The following GSG1L variants were observed in gnomAD, a reference collection of about 807,000 sequenced individuals.
The protein encoded by GSG1L is germ cell-specific gene 1-like protein.
In GSG1L, 24 loss-of-function variants were observed where a neutral mutation model predicts 42.1. The ratio of observed to expected loss-of-function variants is 0.57; its 90% CI spans 0.41 to 0.80. The LOEUF is 0.80. Ranked by LOEUF, GSG1L falls within the 30% of genes least tolerant of loss-of-function variation. GSG1L has a pLI of 0.00. For missense variants in GSG1L, 445 were observed against 472.2 expected (o/e 0.94, Z 0.53); for synonymous variants, 215 against 203.5 (o/e 1.06, Z -0.48).
intron 2 of GSG1L, among the ~76,000 whole-genome samples, chr16:27,953,305 G>A (rs1567533147): frequency 6.6e-6 from 1 of 152,116 alleles, no homozygotes; most frequent in Non-Finnish European, 1.5e-5. Context: ...GCCCAGCCTG[G>A]TCTCAAATTT....
intron 6 of GSG1L, among the ~76,000 whole-genome samples, chr16:27,802,855 A>G (rs2082899351): frequency 6.6e-6 from 1 of 151,798 alleles, no homozygotes; most frequent in African/African-American, 2.4e-5. Flanking sequence ...GGGTCTTGCT[A>G]TGTTGCCCAG....
At chr16:27,873,047 A>G (rs1596574220) in intron 3 of GSG1L, among the ~76,000 whole-genome samples, 2 of 152,290 alleles carry the variant, frequency 1.3e-5, no homozygotes, top group South Asian at 2.1e-4. Context: ...TCTTTCTTGC[A>G]TGAGATCCAA....
chr16:27,834,750 A>G (rs1300679386), intron 4 of GSG1L, among the ~76,000 whole-genome samples: 1 of 152,110 alleles, frequency 6.6e-6, no homozygotes, highest in African/African-American at 2.4e-5. Context: ...TGATGTCCTC[A>G]AAGTCTGCAG....
intron 5 of GSG1L, among the ~76,000 whole-genome samples, chr16:27,820,244 A>G (rs1016555139): frequency 2.0e-5 from 3 of 152,166 alleles, no homozygotes. Context: ...TTCTTCTAAT[A>G]TGGGGGCCCT....
At chr16:28,006,423 C>T (rs2085639974) in intron 1 of GSG1L, among the ~76,000 whole-genome samples, 1 of 151,940 alleles carries the variant, frequency 6.6e-6, no homozygotes, top group Admixed American at 6.6e-5. Context: ...ATTCTTGTGC[C>T]TCAGCCTCCC....
intron 4 of GSG1L, among the ~76,000 whole-genome samples, chr16:27,843,241 C>A (rs910151918): frequency 2.0e-5 from 3 of 152,164 alleles, no homozygotes; most frequent in African/African-American, 7.2e-5. Context: ...CCTGAAGAGA[C>A]TTCCCCTACT....
intron 2 of GSG1L, among the ~76,000 whole-genome samples, chr16:27,910,712 A>C (rs988372610): frequency 6.6e-6 from 1 of 152,164 alleles, no homozygotes; most frequent in African/African-American, 2.4e-5. Context: ...GCCTCAGTCT[A>C]CCCAAGAACT....
In GSG1L at chr16:27,979,901, AAG is replaced by A. The variant is rs576316254; in HGVS notation, c.350-16700_350-16699del. Among the ~76,000 whole-genome samples, 174 of 152,116 alleles carry A rather than the reference AAG, an allele frequency of 1.1e-3. 2 individuals are homozygous for A. The South Asian group carries it at 0.035, about 31-fold the overall frequency. ...AGAAAGAAACGAAGGAAGGAAGGAAAAGAGAGAGAGAATTGAAATGGGAGAAA... is the reference window on the plus strand; with the variant it reads ...AGAAAGAAACGAAGGAAGGAAGGAAAAGAGAGAGAATTGAAATGGGAGAAA... On this transcript the variant is annotated intron_variant, in intron 1 of 6. Coordinates refer to ENST00000447459, the MANE Select transcript of GSG1L (RefSeq NM_001109763.2).
At chr16:28,052,497 A>G (rs2086231476) in intron 1 of GSG1L, among the ~76,000 whole-genome samples, 1 of 152,074 alleles carries the variant, frequency 6.6e-6, no homozygotes. Context: ...AGACATGGCC[A>G]TGTGATTTGC....
intron 1 of GSG1L, among the ~76,000 whole-genome samples, chr16:27,985,225 T>A (rs1285969169): frequency 6.6e-6 from 1 of 152,166 alleles, no homozygotes; most frequent in Non-Finnish European, 1.5e-5. Flanking sequence ...TGTTGAAATG[T>A]GACCTCCACT....
Position 28,040,097 on chromosome 16 carries a change from C to T in GSG1L, c.349+22979G>A, listed in dbSNP as rs1464519819. Among the ~76,000 whole-genome samples the T allele has an allele frequency of 6.6e-6, 1 of 152,112 alleles. No individual in the cohort carries two copies. Among genetic ancestry groups the T allele is most frequent in the African/African-American group, 2.4e-5 (1 of 41,428 alleles). On this transcript the variant is annotated intron_variant, in intron 1 of 6. Transcript: ENST00000447459. This position sits in a 1 kb window ranked among gnomAD's most constrained non-coding sequence, Gnocchi z 4.1. Reference sequence around the variant, plus strand: ...GTCCTTTCTTCCTGCAAAACAATGGCTGAGCCCGTCACCCTTCTCCACACC... The same window carrying T: ...GTCCTTTCTTCCTGCAAAACAATGGTTGAGCCCGTCACCCTTCTCCACACC...
rs1315167600 is a variant in GSG1L at position 27,884,828 on chromosome 16, A to G, written c.398-190T>C. ...TCTGCAGGGGCCGGCTCAGGGACCG[A>G]AGCTTAAGTCAGCATTCTCTGGATC... On this transcript the variant is annotated intron_variant, in intron 2 of 6. Coordinates refer to ENST00000447459, the MANE Select transcript of GSG1L (RefSeq NM_001109763.2). This position sits in a 1 kb window ranked among gnomAD's most constrained non-coding sequence, Gnocchi z 4.4. Among the ~76,000 whole-genome samples, 6 of 152,184 alleles carry G rather than the reference A, an allele frequency of 3.9e-5. No homozygotes were observed. In the East Asian group the frequency reaches 1.2e-3, roughly 29 times the overall value.
At chr16:27,849,198 A>C (rs75455175) in intron 3 of GSG1L, among the ~76,000 whole-genome samples, 4,348 of 51,964 alleles carry the variant, frequency 0.084, 304 homozygotes, top group African/African-American at 0.32. Flanking sequence ...CCTCTATCCC[A>C]AAAAGAAAAA....
intron 2 of GSG1L, among the ~76,000 whole-genome samples, chr16:27,889,564 T>C (rs759674210): frequency 7.9e-5 from 12 of 152,184 alleles, no homozygotes; most frequent in Non-Finnish European, 1.3e-4. Context: ...GCCCATTTTT[T>C]CTATCTTTGT....
At chr16:27,975,417 T>C (rs1312676097) in intron 1 of GSG1L, among the ~76,000 whole-genome samples, 4 of 152,154 alleles carry the variant, frequency 2.6e-5, no homozygotes, top group African/African-American at 9.6e-5. Flanking sequence ...CACCGCATCA[T>C]GCTTATTCCT....
At chr16:27,925,053 C>A (rs932535213) in intron 2 of GSG1L, among the ~76,000 whole-genome samples, 1 of 152,102 alleles carries the variant, frequency 6.6e-6, no homozygotes, top group African/African-American at 2.4e-5. Context: ...AGCTCATTCC[C>A]CAAGAGTGGA....
chr16:28,054,271 ATCC>A (rs1272400955), intron 1 of GSG1L, among the ~76,000 whole-genome samples: 1 of 151,948 alleles, frequency 6.6e-6, no homozygotes, highest in Non-Finnish European at 1.5e-5. Flanking sequence ...ATCACCTCCC[ATCC>A]CCAGTCCCCA....
At chr16:27,905,306 T>C (rs2084307440) in intron 2 of GSG1L, among the ~76,000 whole-genome samples, 1 of 151,230 alleles carries the variant, frequency 6.6e-6, no homozygotes, top group African/African-American at 2.4e-5. Flanking sequence ...TGCTATTCCG[T>C]TCATGCCAGA....
chr16:27,923,244 G>A (rs1447182490), intron 2 of GSG1L, among the ~76,000 whole-genome samples: 1 of 152,164 alleles, frequency 6.6e-6, no homozygotes, highest in Non-Finnish European at 1.5e-5. Flanking sequence ...GTGGCACTCA[G>A]CACACCACAG....
Sources: gnomAD v4.1 joint callset for allele counts (sites outside exome capture counted in the v4.1 genomes callset) on GRCh38, gnomAD v4.1.1 for gene constraint, Gnocchi (gnomAD v3.1) non-coding constraint, MANE v1.5 for transcripts, NCBI Gene and HGNC (gene_info 2026-07-23, HGNC 2026-07-21) for gene names.